Variants in AFG2A observed in about 807,000 individuals in gnomAD.
AFG2A encodes the protein AAA ATPase AFG2A.
the AFG2A span, among the ~76,000 whole-genome samples, chr4:122,976,107 G>GTA: frequency 2.0e-5 from 3 of 152,162 alleles, no homozygotes; most frequent in African/African-American, 7.2e-5. Flanking sequence ...ATGTATTGAG[G>GTA]TATAGTGTTT....
At chr4:123,300,246 GT>G in the AFG2A span, among the ~76,000 whole-genome samples, 9 of 152,096 alleles carry the variant, frequency 5.9e-5, no homozygotes, top group Admixed American at 5.9e-4. Flanking sequence ...TTTGGTTAAG[GT>G]TTTCAAAACC....
chr4:123,121,833 A>G, the AFG2A span, among the ~76,000 whole-genome samples: 548 of 152,336 alleles, frequency 3.6e-3, 5 homozygotes, highest in African/African-American at 0.013. Context: ...TTTGAGTCAA[A>G]TTCCATAGAC....
the AFG2A span, among the ~76,000 whole-genome samples, chr4:123,024,987 A>G: frequency 6.6e-6 from 1 of 152,182 alleles, no homozygotes; most frequent in Admixed American, 6.5e-5. Context: ...GAGCTAGGGG[A>G]CGGGGAATGC....
the AFG2A span, among the ~76,000 whole-genome samples, chr4:123,034,281 G>A: frequency 2.8e-4 from 42 of 151,864 alleles, no homozygotes; most frequent in African/African-American, 9.0e-4. Context: ...ACCAGTTCCC[G>A]TAGATAACTG....
chr4:123,058,743 CAT>C, the AFG2A span, among the ~76,000 whole-genome samples: 121,603 of 152,016 alleles, frequency 0.8, 50,350 homozygotes, highest in East Asian at 0.97. Context: ...CCTCCCACAA[CAT>C]GTGGGAATTA....
the AFG2A span, among the ~76,000 whole-genome samples, chr4:123,013,087 G>T: frequency 1.8e-4 from 27 of 152,232 alleles, 1 homozygote; most frequent in East Asian, 5.2e-3. Flanking sequence ...CGTTTTATAG[G>T]ATTTGGGTAG....
chr4:123,232,228 A>G, the AFG2A span, among the ~76,000 whole-genome samples: 14 of 152,040 alleles, frequency 9.2e-5, no homozygotes, highest in Non-Finnish European at 2.1e-4. Flanking sequence ...AAGTCAAAGA[A>G]TGGGTGGAAC....
At chr4:123,168,239 TCCTGACTGTGC>T in the AFG2A span, among the ~76,000 whole-genome samples, 1 of 152,128 alleles carries the variant, frequency 6.6e-6, no homozygotes, top group Non-Finnish European at 1.5e-5. Context: ...TCATCCTTCC[TCCTGACTGTGC>T]CCTTTGTCAG....
the AFG2A span, among the ~76,000 whole-genome samples, chr4:123,217,061 ATTATTT>A: frequency 6.6e-6 from 1 of 152,188 alleles, no homozygotes; most frequent in East Asian, 1.9e-4. Context: ...AAGCAATGAA[ATTATTT>A]TTATTTTAAA....
At chr4:123,082,603 G>A in the AFG2A span, among the ~76,000 whole-genome samples, 1 of 150,492 alleles carries the variant, frequency 6.6e-6, no homozygotes, top group Non-Finnish European at 1.5e-5. Flanking sequence ...GATAGTGTCA[G>A]TCCTGCAACT....
chr4:123,049,826 C>T, the AFG2A span, among the ~76,000 whole-genome samples: 13 of 151,712 alleles, frequency 8.6e-5, no homozygotes, highest in African/African-American at 3.1e-4. Context: ...TATTTCTGCT[C>T]TTTATTATTT....
the AFG2A span, among the ~76,000 whole-genome samples, chr4:123,285,799 G>T: frequency 6.6e-6 from 1 of 152,070 alleles, no homozygotes; most frequent in South Asian, 2.1e-4. Flanking sequence ...TTACCTAAAG[G>T]CTTTCAAATC....
chr4:122,938,104 CA>C, the AFG2A span: 1 of 1,561,942 alleles, frequency 6.4e-7, no homozygotes, highest in Non-Finnish European at 8.7e-7. Context: ...TGAGAGATTT[CA>C]TTTTACTTGT....
the AFG2A span, among the ~76,000 whole-genome samples, chr4:123,312,292 G>A: frequency 6.6e-6 from 1 of 152,150 alleles, no homozygotes; most frequent in African/African-American, 2.4e-5. Context: ...GGGTGGGGGA[G>A]GTATGCAGGA....
At chr4:123,026,393 A>G in the AFG2A span, among the ~76,000 whole-genome samples, 2 of 152,198 alleles carry the variant, frequency 1.3e-5, no homozygotes, top group African/African-American at 2.4e-5. Flanking sequence ...ACATTTTTAA[A>G]TAAAATCATA....
At chr4:123,238,769 G>A in the AFG2A span, among the ~76,000 whole-genome samples, 4 of 152,184 alleles carry the variant, frequency 2.6e-5, no homozygotes, top group East Asian at 1.9e-4. Context: ...AAACCAGAGC[G>A]CCTCTTCTCC....
the AFG2A span, among the ~76,000 whole-genome samples, chr4:123,123,404 A>G: frequency 7.9e-5 from 12 of 152,198 alleles, no homozygotes; most frequent in Non-Finnish European, 1.3e-4. Flanking sequence ...TTTTAACTTT[A>G]CCACTTTAAT....
At chr4:123,152,546 A>G in the AFG2A span, among the ~76,000 whole-genome samples, 4 of 152,230 alleles carry the variant, frequency 2.6e-5, no homozygotes, top group African/African-American at 7.2e-5. Flanking sequence ...GAGAAATGCA[A>G]ATTAAAACGA....
the AFG2A span, among the ~76,000 whole-genome samples, chr4:123,139,864 T>C: frequency 1.3e-5 from 2 of 152,052 alleles, no homozygotes; most frequent in Admixed American, 1.3e-4. Flanking sequence ...TTTATAAGCC[T>C]ATTATTTAAT....
Sources: gnomAD v4.1 joint callset for allele counts (sites outside exome capture counted in the v4.1 genomes callset) on GRCh38, gnomAD v4.1.1 for gene constraint, MANE v1.5 for transcripts, NCBI Gene and HGNC (gene_info 2026-07-23, HGNC 2026-07-21) for gene names.